ZNF91: variants seen among roughly 807,000 people sequenced by gnomAD.
ZNF91 encodes zinc finger protein 91, also known as zinc finger protein 91 (HPF7, HTF10).
Under a neutral mutation model 12.6 loss-of-function variants are expected in ZNF91, and 7 were observed. The ratio of observed to expected loss-of-function variants is 0.55; its 90% confidence interval spans 0.31 to 1.04. The LOEUF (loss-of-function observed/expected upper bound fraction) is 1.04. ZNF91 is among the 50% of genes least tolerant of loss of function. ZNF91 has a pLI of 0.05. For synonymous variants in ZNF91, 453 were observed against 462.6 expected (o/e 0.98, Z 0.27); for missense variants, 1,217 against 1,385.4 (o/e 0.88, Z 1.93).
At chr19:23,337,011 G>C (rs1968023111), downstream of ZNF91, among the ~76,000 whole-genome samples, 1 of 152,018 alleles carries the variant, frequency 6.6e-6, no homozygotes, top group African/African-American at 2.4e-5. Flanking sequence ...AAATGTGTTG[G>C]GTGCAAGTAT....
chr19:23,365,775 G>A (rs930194013), intron 3 of ZNF91, among the ~76,000 whole-genome samples: 3 of 151,860 alleles, frequency 2.0e-5, no homozygotes, highest in Non-Finnish European at 2.9e-5. Flanking sequence ...GACTCTTAAC[G>A]AGCATGCTGC....
chr19:23,333,447 C>A (rs1410551426), intron 1 of ZNF91, among the ~76,000 whole-genome samples: 1 of 152,120 alleles, frequency 6.6e-6, no homozygotes, highest in East Asian at 1.9e-4. Flanking sequence ...ACTGTGATAG[C>A]CTCTGGGAGG....
chr19:23,359,226 C>CTTT lies in ZNF91; in HGVS notation c.*174_*176dup. Reference sequence around the variant, plus strand: ...AGGGTTTCTCTCTAGTATGAATTTTCTTTTTTTTTTTTTTGAGACGGAGTC... The same window carrying CTTT: ...AGGGTTTCTCTCTAGTATGAATTTTCTTTTTTTTTTTTTTTTTGAGACGGAGTC... On this transcript the variant is annotated 3_prime_UTR_variant, in exon 4 of 4. Transcript: ENST00000300619. The CTTT allele has an allele frequency of 1.9e-4, 67 of 350,054 alleles. No individual in the cohort carries two copies. The highest frequency in any genetic ancestry group is 6.6e-4 in the Middle Eastern group (1 of 1,524). 21.7% of individuals were successfully genotyped at this position (350,054 alleles called of 1,614,324 possible). A position where few individuals can be genotyped will look rare whatever the true frequency, so the allele number is the denominator to read the frequency against.
chr19:23,355,807 G>GA (rs1968470889), downstream of ZNF91, among the ~76,000 whole-genome samples: 3 of 151,890 alleles, frequency 2.0e-5, no homozygotes, highest in Admixed American at 2.0e-4. Flanking sequence ...AATCAGTAAG[G>GA]AAAAAAACAA....
intron 3 of ZNF91, among the ~76,000 whole-genome samples, chr19:23,364,119 G>A (rs1440546435): frequency 6.6e-6 from 1 of 152,194 alleles, no homozygotes; most frequent in East Asian, 1.9e-4. Context: ...AGGAGTTCAA[G>A]GCCAGCCTGG....
chr19:23,318,182 C>A (rs1271458542), intron 1 of ZNF91, among the ~76,000 whole-genome samples: 1 of 152,098 alleles, frequency 6.6e-6, no homozygotes, highest in Non-Finnish European at 1.5e-5. Flanking sequence ...ATTGTGACAC[C>A]CAAGTTATGT....
At chr19:23,334,307 G>A (rs1411212961), downstream of ZNF91, among the ~76,000 whole-genome samples, 2 of 152,134 alleles carry the variant, frequency 1.3e-5, no homozygotes, top group Admixed American at 6.5e-5. Flanking sequence ...GAGGGGCTCA[G>A]CTGTGTAGGC....
chr19:23,358,871 T>C lies in ZNF91; in HGVS notation c.*532A>G, dbSNP rs185902520. 172 of 177,520 alleles carry C rather than the reference T, an allele frequency of 9.7e-4. No homozygotes were observed. Among genetic ancestry groups the C allele is most frequent in the African/African-American group, 3.9e-3 (165 of 41,908 alleles). 11.0% of individuals were successfully genotyped at this position (177,520 alleles called of 1,614,324 possible). A position where few individuals can be genotyped will look rare whatever the true frequency, so the allele number is the denominator to read the frequency against. ...GCACATCTTTCAGGTTTGTAGAGTT[T>C]CTCTCCAGTATGAATAATATTATGT... is the stretch of plus-strand genomic sequence containing the variant. On this transcript the variant is annotated 3_prime_UTR_variant, in exon 4 of 4. Coordinates refer to ENST00000300619, the MANE Select transcript of ZNF91 (RefSeq NM_003430.4).
intron 1 of ZNF91, chr19:23,385,127 C>T: frequency 1.3e-6 from 1 of 745,812 alleles, no homozygotes; most frequent in South Asian, 1.6e-5. Flanking sequence ...CCCGAATGGC[C>T]AGCCGAAGAC....
At chr19:23,338,251 C>A (rs1055535458), downstream of ZNF91, 1 of 151,814 alleles carries the variant, frequency 6.6e-6, no homozygotes, top group African/African-American at 2.4e-5. Flanking sequence ...GGAAGTAATT[C>A]TAAAATAAGC....
chr19:23,382,925 A>G (rs1452612966), intron 1 of ZNF91, among the ~76,000 whole-genome samples: 1 of 152,096 alleles, frequency 6.6e-6, no homozygotes, highest in Non-Finnish European at 1.5e-5. Context: ...ACGTACAAAA[A>G]AGTGCTGGTA....
chr19:23,367,105 C>T (rs943665026), intron 3 of ZNF91, among the ~76,000 whole-genome samples: 2 of 152,190 alleles, frequency 1.3e-5, no homozygotes, highest in East Asian at 3.9e-4. Flanking sequence ...CCAGCCTGGG[C>T]AACATAGTGA....
chr19:23,353,330 G>C (rs1256866168), downstream of ZNF91, among the ~76,000 whole-genome samples: 1 of 152,154 alleles, frequency 6.6e-6, no homozygotes, highest in Non-Finnish European at 1.5e-5. Flanking sequence ...CAAATTCATG[G>C]AAATTAAATA....
At chr19:23,306,146 A>G (rs1456155966) in intron 3 of ZNF91, among the ~76,000 whole-genome samples, 1 of 152,236 alleles carries the variant, frequency 6.6e-6, no homozygotes, top group Non-Finnish European at 1.5e-5. Context: ...ACTGGTACCA[A>G]TAGTAATGCA....
intron 1 of ZNF91, among the ~76,000 whole-genome samples, chr19:23,393,579 C>T (rs1205048107): frequency 3.3e-5 from 5 of 151,712 alleles, no homozygotes; most frequent in Admixed American, 6.6e-5. Context: ...GGAAAATAGA[C>T]GAAAAAAACG....
chr19:23,384,664 A>T (rs1240400864), intron 1 of ZNF91: 1 of 571,046 alleles, frequency 1.8e-6, no homozygotes, highest in Non-Finnish European at 3.1e-6. Context: ...CAAATCGGCA[A>T]AGAGGGCCAA....
chr19:23,376,438 G>A (rs1048020894), intron 1 of ZNF91, among the ~76,000 whole-genome samples: 3 of 151,014 alleles, frequency 2.0e-5, no homozygotes, highest in African/African-American at 7.3e-5. Flanking sequence ...TGCCCAGACT[G>A]GAGTGGAATG....
intron 3 of ZNF91, among the ~76,000 whole-genome samples, chr19:23,352,518 G>C (rs931363437): frequency 1.3e-5 from 2 of 152,030 alleles, no homozygotes; most frequent in Non-Finnish European, 2.9e-5. Context: ...TCCAGTCTTG[G>C]AGACAGAGCA....
intron 1 of ZNF91, among the ~76,000 whole-genome samples, chr19:23,379,952 T>C (rs2145114268): frequency 6.6e-6 from 1 of 152,188 alleles, no homozygotes; most frequent in East Asian, 1.9e-4. Context: ...AGCACTTTAG[T>C]GTCACATCAA....
Sources: allele counts gnomAD v4.1 joint callset (sites outside exome capture counted in the v4.1 genomes callset), GRCh38; gene constraint gnomAD v4.1.1; transcripts MANE v1.5; gene names NCBI Gene and HGNC (gene_info 2026-07-23, HGNC 2026-07-21).